Variants in TEX11 observed in about 807,000 individuals in gnomAD.
TEX11 encodes testis-expressed protein 11.
In TEX11, 7 loss-of-function variants were observed where a neutral mutation model predicts 84.4. That is an observed-to-expected ratio of 0.08 (90% CI 0.05 to 0.16). TEX11 has a LOEUF of 0.16. TEX11 is among the 10% of genes least tolerant of loss of function. TEX11 has a pLI of 1.00. For synonymous variants in TEX11, 264 were observed against 222.8 expected (o/e 1.18, Z -1.64); for missense variants, 551 against 660.5 (o/e 0.83, Z 1.82).
At chrX:70,792,996 C>T (rs2091134026) in intron 9 of TEX11, among the ~76,000 whole-genome samples, 2 of 111,557 alleles carry the variant, frequency 1.8e-5, no homozygotes, top group South Asian at 7.5e-4. Context: ...TAATTCACCA[C>T]GATCAAGTAG....
chrX:70,850,072 A>G (rs2091499563), intron 7 of TEX11, among the ~76,000 whole-genome samples: 1 of 112,095 alleles, frequency 8.9e-6, no homozygotes, highest in Non-Finnish European at 1.9e-5. Flanking sequence ...ACTATCACTG[A>G]TAAAAGGCTA....
chrX:70,581,502 G>T (rs1199751876), intron 25 of TEX11, among the ~76,000 whole-genome samples: 2 of 109,773 alleles, frequency 1.8e-5, no homozygotes, highest in African/African-American at 6.6e-5. Context: ...GTTTCACCAT[G>T]TTGGTCAGGC....
At chrX:70,818,272 A>T (rs1012650535) in intron 8 of TEX11, among the ~76,000 whole-genome samples, 1 of 108,017 alleles carries the variant, frequency 9.3e-6, no homozygotes, top group African/African-American at 3.4e-5. Flanking sequence ...ACTGCACTCC[A>T]GTCTGGGTGA....
chrX:70,511,818 G>A, the TEX11 span, among the ~76,000 whole-genome samples: 1 of 102,666 alleles, frequency 9.7e-6, no homozygotes, highest in East Asian at 3.0e-4. Context: ...AGAAAAAAGG[G>A]CAACATAGGG....
chrX:70,892,695 T>C (rs1488390292), intron 2 of TEX11, among the ~76,000 whole-genome samples: 1 of 107,143 alleles, frequency 9.3e-6, no homozygotes, highest in Admixed American at 1.0e-4. Context: ...ATCGACCCAC[T>C]GCACTCCAGC....
At chrX:70,763,983 G>A (rs1321528632) in intron 9 of TEX11, among the ~76,000 whole-genome samples, 1 of 111,885 alleles carries the variant, frequency 8.9e-6, no homozygotes, top group African/African-American at 3.2e-5. Flanking sequence ...TAGAACATAT[G>A]GATCTAATGG....
intron 13 of TEX11, among the ~76,000 whole-genome samples, chrX:70,716,640 A>T (rs1185341447): frequency 1.8e-5 from 2 of 112,417 alleles, no homozygotes; most frequent in Non-Finnish European, 1.9e-5. Context: ...CCATTGGAAA[A>T]GCGCAGTATT....
At chrX:70,719,490 C>T (rs971473838) in intron 13 of TEX11, among the ~76,000 whole-genome samples, 16 of 111,694 alleles carry the variant, frequency 1.4e-4, no homozygotes, top group Non-Finnish European at 2.8e-4. Context: ...ACACCAAAAA[C>T]AATGGCAACA....
intron 9 of TEX11, among the ~76,000 whole-genome samples, chrX:70,750,933 A>AATATATATATATATATATATAT (rs1169707708): frequency 9.2e-4 from 26 of 28,176 alleles, no homozygotes; most frequent in East Asian, 1.8e-3. Flanking sequence ...AAAAAAAAAA[A>AATATATATATATATATATATAT]ATATATATAT....
intron 13 of TEX11, among the ~76,000 whole-genome samples, chrX:70,691,602 G>C (rs1403504420): frequency 9.0e-6 from 1 of 111,056 alleles, no homozygotes; most frequent in Non-Finnish European, 1.9e-5. Flanking sequence ...ATATGTGAAG[G>C]CTAAAAAAAA....
chrX:70,828,802 A>C (rs2091360526), intron 8 of TEX11, among the ~76,000 whole-genome samples: 1 of 111,492 alleles, frequency 9.0e-6, no homozygotes, highest in Non-Finnish European at 1.9e-5. Context: ...TTAATAATCA[A>C]ACTCCCAAAG....
At chrX:70,740,988 G>A (rs769874535) in intron 10 of TEX11, among the ~76,000 whole-genome samples, 192 bp from the exon 11 acceptor site, 1 of 110,848 alleles carries the variant, frequency 9.0e-6, no homozygotes, top group East Asian at 2.8e-4. Flanking sequence ...TATTGTCTAA[G>A]AATGTTACAG....
chrX:70,755,596 A>G (rs1361090446), intron 9 of TEX11, among the ~76,000 whole-genome samples: 1 of 112,243 alleles, frequency 8.9e-6, no homozygotes, highest in East Asian at 2.8e-4. Flanking sequence ...AAGAGATAAG[A>G]TTAGAAAGTT....
intron 8 of TEX11, among the ~76,000 whole-genome samples, chrX:70,828,854 G>GA (rs981725154): frequency 1.8e-5 from 2 of 109,841 alleles, no homozygotes; most frequent in African/African-American, 6.6e-5. Context: ...TAAAAGAGAA[G>GA]AAAAAAAATC....
chrX:70,570,042 G>A (rs1325749609), intron 25 of TEX11, among the ~76,000 whole-genome samples: 2 of 112,090 alleles, frequency 1.8e-5, no homozygotes, highest in African/African-American at 6.5e-5. Context: ...GCTTCCTCGA[G>A]CTGTGGTGGG....
intron 25 of TEX11, among the ~76,000 whole-genome samples, chrX:70,582,546 T>C (rs955399979): frequency 9.0e-6 from 1 of 111,220 alleles, no homozygotes; most frequent in Non-Finnish European, 1.9e-5. Flanking sequence ...TCTGCCTAGA[T>C]AGCAGACTCT....
At chrX:70,758,454 G>A (rs930735316) in intron 9 of TEX11, among the ~76,000 whole-genome samples, 3 of 112,068 alleles carry the variant, frequency 2.7e-5, no homozygotes, top group Non-Finnish European at 5.6e-5. Context: ...TTAGAACTCA[G>A]GATGAAGAAA....
intron 7 of TEX11, among the ~76,000 whole-genome samples, chrX:70,846,788 G>A (rs758921067): frequency 9.0e-6 from 1 of 111,541 alleles, no homozygotes; most frequent in South Asian, 3.8e-4. Context: ...GCCGGGCGTG[G>A]TGGCATGTGA....
In TEX11 at chrX:70,700,263, G is replaced by A. The variant is rs575844910; in HGVS notation, c.1005-17438C>T. Among the ~76,000 whole-genome samples, 8 of 111,002 alleles carry A rather than the reference G, an allele frequency of 7.2e-5. No individual in the cohort carries two copies. The South Asian group carries it at 1.9e-3, about 27-fold the overall frequency. Reference sequence around the variant, plus strand: ...CCCGAGTAGTTAGAACTATAAGCACGTGCCACCAGATACTGTTCTGTTTGT... The same window carrying A: ...CCCGAGTAGTTAGAACTATAAGCACATGCCACCAGATACTGTTCTGTTTGT... On this transcript the variant is annotated intron_variant, in intron 13 of 29. Coordinates refer to ENST00000374333, the MANE Select transcript of TEX11 (RefSeq NM_031276.3).
Sources: allele counts gnomAD v4.1 joint callset (sites outside exome capture counted in the v4.1 genomes callset), GRCh38; gene constraint gnomAD v4.1.1; transcripts MANE v1.5; gene names NCBI Gene and HGNC (gene_info 2026-07-23, HGNC 2026-07-21).